Variants in LSAMP observed in about 807,000 individuals in gnomAD.
The protein encoded by LSAMP is limbic system associated membrane protein.
LSAMP carries 7 observed loss-of-function variants against 38.6 expected under a neutral mutation model. That is an observed-to-expected ratio of 0.18 (90% CI 0.10 to 0.34). The LOEUF (loss-of-function observed/expected upper bound fraction) is 0.34. Ranked by LOEUF, LSAMP falls within the 10% of genes least tolerant of loss-of-function variation. The pLI is 1.00. For missense variants in LSAMP, 313 were observed against 420.0 expected (o/e 0.75, Z 2.23); for synonymous variants, 154 against 166.8 (o/e 0.92, Z 0.59).
chr3:116,060,201 T>TTG (rs1233933527), intron 2 of LSAMP, among the ~76,000 whole-genome samples: 4 of 151,408 alleles, frequency 2.6e-5, no homozygotes, highest in Non-Finnish European at 5.9e-5. Context: ...CAACATAGTT[T>TTG]TTTTTTTTTT....
intron 3 of LSAMP, among the ~76,000 whole-genome samples, chr3:115,944,874 T>C (rs1938044934): frequency 6.6e-6 from 1 of 152,210 alleles, no homozygotes; most frequent in African/African-American, 2.4e-5. Context: ...TCCCTCTCAC[T>C]GTGCATTTGC....
At chr3:116,312,057 A>G (rs1160681582) in intron 1 of LSAMP, among the ~76,000 whole-genome samples, 1 of 152,210 alleles carries the variant, frequency 6.6e-6, no homozygotes, top group Non-Finnish European at 1.5e-5. Context: ...CCATTGATCA[A>G]TGATATTTTT....
chr3:116,147,478 A>G (rs1034026752), intron 1 of LSAMP, among the ~76,000 whole-genome samples: 2 of 151,990 alleles, frequency 1.3e-5, no homozygotes, highest in African/African-American at 4.8e-5. Context: ...TCAAGAAAGT[A>G]TAAGTTTAAT....
chr3:115,819,011 G>A (rs768429768), intron 6 of LSAMP, among the ~76,000 whole-genome samples: 12 of 150,594 alleles, frequency 8.0e-5, no homozygotes, highest in South Asian at 4.2e-4. Context: ...TTAGCCCAGC[G>A]TGGTGGCACG....
intron 1 of LSAMP, among the ~76,000 whole-genome samples, chr3:116,393,124 C>T (rs1224945673): frequency 1.3e-5 from 2 of 152,094 alleles, no homozygotes; most frequent in Non-Finnish European, 1.5e-5. Flanking sequence ...TGCTGAATGT[C>T]GAGGCTAAAA....
At chr3:116,046,441 T>C (rs982432767) in intron 2 of LSAMP, among the ~76,000 whole-genome samples, 1 of 152,108 alleles carries the variant, frequency 6.6e-6, no homozygotes, top group Non-Finnish European at 1.5e-5. Flanking sequence ...TGCAGAGCAA[T>C]TGTTCCTGCA....
intron 1 of LSAMP, among the ~76,000 whole-genome samples, chr3:116,305,529 G>A (rs1316916664): frequency 6.6e-6 from 1 of 151,254 alleles, no homozygotes; most frequent in Non-Finnish European, 1.5e-5. Flanking sequence ...TTAAAATAAA[G>A]TATGCGCCAG....
chr3:116,176,609 G>A (rs1445885817), intron 1 of LSAMP, among the ~76,000 whole-genome samples: 1 of 152,064 alleles, frequency 6.6e-6, no homozygotes, highest in African/African-American at 2.4e-5. Flanking sequence ...TAGATAATAA[G>A]GTACATAATG....
rs71616348 is a variant in LSAMP, at chr3:116,317,356, CTT to C, written c.155+127519_155+127520del. On this transcript the variant is annotated intron_variant, in intron 1 of 6. Coordinates refer to ENST00000490035, the MANE Select transcript of LSAMP (RefSeq NM_002338.5). ...CAAAGAGAGCCCAATCTCTTTCTTT[CTT>C]TTTTTTTTTTTTTTTGAGACGGAGT... Among the ~76,000 whole-genome samples, 690 of 140,016 alleles carry C rather than the reference CTT, an allele frequency of 4.9e-3. 3 individuals are homozygous for C. Among genetic ancestry groups the C allele is most frequent in the African/African-American group, 0.016 (631 of 38,628 alleles). 91.9% of individuals were successfully genotyped at this position (140,016 alleles called of 152,430 possible).
At chr3:116,045,697 T>G (rs1275171639) in intron 2 of LSAMP, among the ~76,000 whole-genome samples, 1 of 152,182 alleles carries the variant, frequency 6.6e-6, no homozygotes, top group African/African-American at 2.4e-5. Flanking sequence ...GAGAACAGAA[T>G]GTAAAAATTA....
chr3:116,149,802 T>C (rs1390824285), intron 1 of LSAMP, among the ~76,000 whole-genome samples: 3 of 151,594 alleles, frequency 2.0e-5, no homozygotes, highest in Non-Finnish European at 4.4e-5. Context: ...TAAATATCTT[T>C]CATAAAAGGC....
chr3:116,394,545 C>A (rs1217833175), intron 1 of LSAMP, among the ~76,000 whole-genome samples: 1 of 152,196 alleles, frequency 6.6e-6, no homozygotes, highest in African/African-American at 2.4e-5. Flanking sequence ...CAGATGCCAA[C>A]CTGCTATAAT....
intron 1 of LSAMP, among the ~76,000 whole-genome samples, chr3:116,279,150 T>C (rs1234710343): frequency 2.6e-5 from 4 of 152,218 alleles, no homozygotes; most frequent in African/African-American, 9.6e-5. Context: ...GTTAATTCTA[T>C]GTGTCCCTGG....
intron 1 of LSAMP, among the ~76,000 whole-genome samples, chr3:116,333,797 A>T (rs1320433882): frequency 6.6e-6 from 1 of 151,968 alleles, no homozygotes; most frequent in African/African-American, 2.4e-5. Context: ...GAACACTTAA[A>T]TTTAAAAAAT....
Position 115,882,228 on chromosome 3 carries a change from A to G in LSAMP, c.515-29611T>C, listed in dbSNP as rs1576181210. ...CCTCAATAACTCACATACACCTAAC[A>G]CACTGTCTCAGGCTCTGTAATTAAG... On this transcript the variant is annotated intron_variant, in intron 3 of 6. Transcript: ENST00000490035. Among the ~76,000 whole-genome samples the G allele has an allele frequency of 3.3e-5, 5 of 152,220 alleles. No homozygotes were observed. The South Asian group carries it at 1.0e-3, about 32-fold the overall frequency.
chr3:116,009,107 T>C (rs895492695), intron 3 of LSAMP, among the ~76,000 whole-genome samples: 3 of 152,140 alleles, frequency 2.0e-5, no homozygotes, highest in Non-Finnish European at 2.9e-5. Context: ...AACAGAAAAA[T>C]TGAAAATATA....
At chr3:115,911,150 T>C (rs1263646566) in intron 3 of LSAMP, among the ~76,000 whole-genome samples, 1 of 152,166 alleles carries the variant, frequency 6.6e-6, no homozygotes, top group African/African-American at 2.4e-5. Context: ...TGAAATTAAA[T>C]GAAATTATAT....
chr3:116,051,784 A>G (rs562236037), intron 2 of LSAMP, among the ~76,000 whole-genome samples: 46 of 151,922 alleles, frequency 3.0e-4, no homozygotes, highest in African/African-American at 1.1e-3. Flanking sequence ...CATGGCTACC[A>G]GTTGGAAGTC....
chr3:115,862,621 G>A (rs1935740196), intron 3 of LSAMP, among the ~76,000 whole-genome samples: 1 of 152,164 alleles, frequency 6.6e-6, no homozygotes, highest in Non-Finnish European at 1.5e-5. Context: ...GGGCAGAAGA[G>A]GAAAAGGTTT....
Sources: gnomAD v4.1 joint callset for allele counts (sites outside exome capture counted in the v4.1 genomes callset) on GRCh38, gnomAD v4.1.1 for gene constraint, MANE v1.5 for transcripts, NCBI Gene and HGNC (gene_info 2026-07-23, HGNC 2026-07-21) for gene names.